The following IQSEC2 variants were observed in gnomAD, a reference collection of about 807,000 sequenced individuals.
IQSEC2 encodes IQ motif and Sec7 domain ArfGEF 2.
A neutral mutation model predicts 74.6 loss-of-function variants in IQSEC2; 6 were observed. That is an observed-to-expected ratio of 0.08 (90% CI 0.04 to 0.16). The LOEUF (loss-of-function observed/expected upper bound fraction) is 0.16. Among genes scored for constraint, IQSEC2 ranks in the 10% least tolerant of loss-of-function variants. The pLI, the probability that IQSEC2 is intolerant of heterozygous loss-of-function variation, is 1.00. For synonymous variants in IQSEC2, 494 were observed against 544.5 expected, an observed-to-expected ratio of 0.91 and a Z score of 1.29; for missense variants, 734 against 1,306.2, an observed-to-expected ratio of 0.56 and a Z score of 6.75.
intron 2 of IQSEC2, among the ~76,000 whole-genome samples, chrX:53,291,249 C>T (rs1161631003): frequency 1.8e-5 from 2 of 111,580 alleles, no homozygotes; most frequent in Admixed American, 1.9e-4. Context: ...CCAAGTTTTA[C>T]TCCTGCCTCC....
At chrX:53,242,204 C>A (rs1291183122) in intron 9 of IQSEC2, among the ~76,000 whole-genome samples, 1 of 110,232 alleles carries the variant, frequency 9.1e-6, no homozygotes, top group East Asian at 2.9e-4. Flanking sequence ...GAGGCCGAGG[C>A]GAGCGGATCA....
chrX:53,266,495 A>T, intron 2 of IQSEC2: 6 of 757,779 alleles, frequency 7.9e-6, no homozygotes, highest in African/African-American at 2.3e-5. Flanking sequence ...CAGCAAGGGA[A>T]CAAACGACAG....
chrX:53,283,890 G>A (rs2075000038), intron 2 of IQSEC2, among the ~76,000 whole-genome samples: 1 of 112,350 alleles, frequency 8.9e-6, no homozygotes, highest in Non-Finnish European at 1.9e-5. Context: ...TGAGCAAAAA[G>A]TAGAGATGGC....
Position 53,234,210 on chromosome X carries a change from C to G in IQSEC2, c.*9G>C. ...ACTTTCCTGTTCCCCAGCTCACTCT[C>G]TCCATTCATCAGACCACGGTGCTGA... On this transcript the variant is annotated 3_prime_UTR_variant, in exon 15 of 15. Coordinates refer to ENST00000642864, the MANE Select transcript of IQSEC2 (RefSeq NM_001111125.3). The G allele has an allele frequency of 1.1e-6, 1 of 935,798 alleles. No individual in the cohort carries two copies. Among genetic ancestry groups the G allele is most frequent in the African/African-American group, 2.1e-5 (1 of 48,587 alleles). The allele number at this position is 935,798 out of a possible 1,213,427, so 77.1% of individuals were successfully genotyped here.
At chrX:53,285,781 G>A (rs782378844) in intron 2 of IQSEC2, among the ~76,000 whole-genome samples, 12 of 112,717 alleles carry the variant, frequency 1.1e-4, no homozygotes, top group African/African-American at 1.6e-4. Context: ...AGGCCTCTGA[G>A]GAGGTGATGG....
At chrX:53,225,961 A>AT (rs1569287783), downstream of IQSEC2, 1 of 112,865 alleles carries the variant, frequency 8.9e-6, no homozygotes. Flanking sequence ...CATTTGTGGC[A>AT]TATACTCCTA....
chrX:53,241,935 T>C, intron 9 of IQSEC2, 26 bp from the exon 10 acceptor site: 1 of 1,202,164 alleles, frequency 8.3e-7, no homozygotes, highest in Non-Finnish European at 1.1e-6. Context: ...GAAACAGGTG[T>C]CAGCAAGGCC....
chrX:53,277,293 C>T (rs911166516), intron 2 of IQSEC2, among the ~76,000 whole-genome samples: 4 of 110,344 alleles, frequency 3.6e-5, no homozygotes, highest in African/African-American at 1.3e-4. Flanking sequence ...CTCACTGCAA[C>T]CTCCGCCTCC....
intron 13 of IQSEC2, 33 bp from the exon 14 acceptor site, chrX:53,235,865 G>T: frequency 8.7e-7 from 1 of 1,149,161 alleles, no homozygotes; most frequent in East Asian, 3.3e-5. Flanking sequence ...CAGCGTCAGA[G>T]CAGCAACCCC....
intron 3 of IQSEC2, among the ~76,000 whole-genome samples, chrX:53,255,304 A>G (rs1234873274): frequency 9.0e-6 from 1 of 111,299 alleles, no homozygotes; most frequent in East Asian, 2.8e-4. Flanking sequence ...AGAAGGAAGG[A>G]AGGAAGGTAG....
intron 1 of IQSEC2, among the ~76,000 whole-genome samples, chrX:53,308,334 T>C (rs2075288018): frequency 9.1e-6 from 1 of 109,894 alleles, no homozygotes; most frequent in African/African-American, 3.3e-5. Flanking sequence ...ATATCACTTC[T>C]GATATGAGCA....
In IQSEC2 at chrX:53,236,455, G is replaced by A. The variant is rs781870523; in HGVS notation, c.3318C>T (p.Ala1106=). The change falls in exon 13 of 15, where the codon GCC becomes GCT. Residue 1106 remains alanine (A), a synonymous_variant. Transcript: ENST00000642864. The part of the protein sequence containing the change: ...EKQKGMMRPN[A]SQPGGAKDSV... ...AGTCCTTGGCCCCTCCAGGCTGTGAGGCGTTAGGCCGCATCATACCTTTCT... is the reference window on the plus strand; with the variant it reads ...AGTCCTTGGCCCCTCCAGGCTGTGAAGCGTTAGGCCGCATCATACCTTTCT... The A allele has an allele frequency of 6.7e-6, 8 of 1,200,827 alleles. No homozygotes were observed. In the Admixed American group the frequency reaches 8.9e-5, roughly 13 times the overall value.
chrX:53,259,194 A>C (rs2074527838), intron 2 of IQSEC2, among the ~76,000 whole-genome samples: 1 of 105,068 alleles, frequency 9.5e-6, no homozygotes, highest in African/African-American at 3.5e-5. Context: ...TCTCCAAAAA[A>C]AAAAAAAAAA....
chrX:53,264,398 G>A (rs1306032935), intron 2 of IQSEC2, among the ~76,000 whole-genome samples: 1 of 103,586 alleles, frequency 9.7e-6, no homozygotes, highest in Non-Finnish European at 2.0e-5. Flanking sequence ...CCCACGGGTC[G>A]GGAGGGTCAT....
chrX:53,265,572 G>A (rs56870813), intron 2 of IQSEC2, among the ~76,000 whole-genome samples: 2,306 of 111,429 alleles, frequency 0.021, 68 homozygotes, highest in African/African-American at 0.072. Context: ...GGTAAACTCA[G>A]ATTTGTCTAA....
chrX:53,320,321 A>C, intron 1 of IQSEC2, 96 bp downstream of exon 1: 11 of 818,281 alleles, frequency 1.3e-5, no homozygotes, highest in Non-Finnish European at 1.9e-5. Flanking sequence ...GGAGAGGAAG[A>C]CACGGAACCA....
chrX:53,235,255 G>C, intron 14 of IQSEC2, 71 bp from the exon 15 acceptor site: 2 of 1,137,596 alleles, frequency 1.8e-6, no homozygotes, highest in South Asian at 3.9e-5. Flanking sequence ...TTCCACCCCT[G>C]TCCCTGAGGG....
chrX:53,316,210 A>T (rs895839026), intron 1 of IQSEC2, among the ~76,000 whole-genome samples: 2 of 111,894 alleles, frequency 1.8e-5, no homozygotes, highest in Non-Finnish European at 3.8e-5. Context: ...ATGTTTGTAG[A>T]TGATAACAAC....
intron 1 of IQSEC2, among the ~76,000 whole-genome samples, chrX:53,310,408 C>CAA (rs1449703388): frequency 8.0e-4 from 86 of 107,541 alleles, no homozygotes; most frequent in East Asian, 2.1e-3. Context: ...AGCAAACAAA[C>CAA]AAACAAAAAA....
Sources: allele counts gnomAD v4.1 joint callset (sites outside exome capture counted in the v4.1 genomes callset), GRCh38; gene constraint gnomAD v4.1.1; transcripts MANE v1.5; gene names NCBI Gene and HGNC (gene_info 2026-07-23, HGNC 2026-07-21).